AGBL4: variants seen among roughly 807,000 people sequenced by gnomAD.
The protein encoded by AGBL4 is cytosolic carboxypeptidase 6.
AGBL4 carries 58 observed loss-of-function variants against 66.4 expected under a neutral mutation model. That is an observed-to-expected ratio of 0.87 (90% CI 0.71 to 1.09). The LOEUF is 1.09. Ranked by LOEUF, AGBL4 falls within the 50% of genes least tolerant of loss-of-function variation. The pLI is 0.00. For missense variants in AGBL4, 579 were observed against 631.0 expected (o/e 0.92, Z 0.88); for synonymous variants, 234 against 222.9 (o/e 1.05, Z -0.44).
chr1:48,671,762 T>G (rs1405826951), intron 6 of AGBL4, among the ~76,000 whole-genome samples: 3 of 152,242 alleles, frequency 2.0e-5, no homozygotes, highest in Non-Finnish European at 4.4e-5. Flanking sequence ...GCCACAACTT[T>G]GCCTCTTTCA....
intron 2 of AGBL4, among the ~76,000 whole-genome samples, chr1:49,820,450 A>T (rs1645340168): frequency 6.6e-6 from 1 of 152,194 alleles, no homozygotes; most frequent in Admixed American, 6.5e-5. Flanking sequence ...TGAGTTTTCC[A>T]AATCCAAAAA....
At chr1:49,218,782 G>A (rs1304088958) in intron 4 of AGBL4, among the ~76,000 whole-genome samples, 1 of 152,086 alleles carries the variant, frequency 6.6e-6, no homozygotes, top group Non-Finnish European at 1.5e-5. Context: ...CACGTGTCAT[G>A]GGAGGGACAC....
intron 3 of AGBL4, among the ~76,000 whole-genome samples, chr1:49,314,601 G>A (rs2148466292): frequency 6.6e-6 from 1 of 152,218 alleles, no homozygotes; most frequent in African/African-American, 2.4e-5. Context: ...TGGTGTATAT[G>A]TGCCACACTT....
At chr1:49,626,984 A>G (rs1473104800) in intron 3 of AGBL4, among the ~76,000 whole-genome samples, 1 of 152,164 alleles carries the variant, frequency 6.6e-6, no homozygotes, top group Non-Finnish European at 1.5e-5. Flanking sequence ...AGGTACTACA[A>G]TGCTACATCC....
intron 2 of AGBL4, among the ~76,000 whole-genome samples, chr1:49,716,413 T>C (rs1172773298): frequency 6.6e-6 from 1 of 152,140 alleles, no homozygotes; most frequent in African/African-American, 2.4e-5. Context: ...TCTTTTTCCT[T>C]AGGATTGTGT....
intron 3 of AGBL4, among the ~76,000 whole-genome samples, chr1:49,467,566 G>C (rs1472970991): frequency 6.6e-6 from 1 of 151,788 alleles, no homozygotes; most frequent in Admixed American, 6.6e-5. Flanking sequence ...GAGCAATGCA[G>C]GACTACTGTG....
intron 1 of AGBL4, among the ~76,000 whole-genome samples, chr1:49,916,009 C>G (rs1172898641): frequency 6.6e-6 from 1 of 152,150 alleles, no homozygotes; most frequent in Non-Finnish European, 1.5e-5. Flanking sequence ...TCCAACAGAC[C>G]TTCAGCTGAG....
chr1:48,562,484 TC>T (rs1644411384), intron 11 of AGBL4, among the ~76,000 whole-genome samples: 1 of 152,160 alleles, frequency 6.6e-6, no homozygotes, highest in Non-Finnish European at 1.5e-5. Context: ...CTTCCTAGAT[TC>T]CCCAAGTTTG....
chr1:49,129,197 C>A (rs1645830760), intron 4 of AGBL4, among the ~76,000 whole-genome samples: 1 of 151,958 alleles, frequency 6.6e-6, no homozygotes, highest in Non-Finnish European at 1.5e-5. Context: ...AAAATATTGA[C>A]AATTACAAGC....
At chr1:49,572,246 T>C (rs1486449935) in intron 3 of AGBL4, among the ~76,000 whole-genome samples, 3 of 152,234 alleles carry the variant, frequency 2.0e-5, no homozygotes, top group African/African-American at 7.2e-5. Context: ...TTACTCTCAC[T>C]ACTCATTTTT....
chr1:49,059,518 C>T (rs537838249), intron 4 of AGBL4, among the ~76,000 whole-genome samples: 1 of 152,358 alleles, frequency 6.6e-6, no homozygotes, highest in South Asian at 2.1e-4. Context: ...GTTGGAGCCC[C>T]TACACAGAGT....
chr1:48,657,771 T>C (rs1646043684), intron 7 of AGBL4, among the ~76,000 whole-genome samples: 2 of 152,066 alleles, frequency 1.3e-5, no homozygotes, highest in African/African-American at 4.8e-5. Context: ...ATAAATGAGA[T>C]TAAGTTTCTG....
intron 2 of AGBL4, among the ~76,000 whole-genome samples, chr1:49,724,306 A>G (rs1199110891): frequency 1.3e-5 from 2 of 152,192 alleles, no homozygotes; most frequent in Non-Finnish European, 2.9e-5. Flanking sequence ...TTTGGAAAGT[A>G]AATTAATCAA....
chr1:48,604,617 T>TA (rs1645128553), intron 9 of AGBL4, among the ~76,000 whole-genome samples: 1 of 152,200 alleles, frequency 6.6e-6, no homozygotes. Context: ...AGGTTTTTTT[T>TA]TAAAAAAAAT....
At chr1:49,057,305 C>T (rs1644325514) in intron 4 of AGBL4, among the ~76,000 whole-genome samples, 2 of 152,116 alleles carry the variant, frequency 1.3e-5, no homozygotes, top group South Asian at 4.2e-4. Context: ...ATAGTCCCAG[C>T]TACTTGTGGG....
At chr1:49,254,915 C>T (rs755100393) in intron 3 of AGBL4, among the ~76,000 whole-genome samples, 38 of 151,974 alleles carry the variant, frequency 2.5e-4, no homozygotes, top group Non-Finnish European at 1.3e-4. Context: ...AATGGGGAAA[C>T]GATTACTTAT....
At chr1:49,014,721 C>T (rs751936424) in intron 5 of AGBL4, among the ~76,000 whole-genome samples, 1 of 152,234 alleles carries the variant, frequency 6.6e-6, no homozygotes, top group Non-Finnish European at 1.5e-5. Context: ...TCCCACCCTA[C>T]AGGGAACCTC....
At chr1:49,685,315 A>G (rs1464244606) in intron 3 of AGBL4, among the ~76,000 whole-genome samples, 4 of 152,152 alleles carry the variant, frequency 2.6e-5, no homozygotes, top group African/African-American at 7.2e-5. Flanking sequence ...ATGGGCATCT[A>G]GGTTGATTCC....
At chr1:49,915,608 C>T (rs1651369450) in intron 1 of AGBL4, among the ~76,000 whole-genome samples, 1 of 152,184 alleles carries the variant, frequency 6.6e-6, no homozygotes, top group Non-Finnish European at 1.5e-5. Context: ...GGGTGGAGCC[C>T]ACTGCAGCTC....
Sources: gnomAD v4.1 joint callset for allele counts (sites outside exome capture counted in the v4.1 genomes callset) on GRCh38, gnomAD v4.1.1 for gene constraint, MANE v1.5 for transcripts, NCBI Gene and HGNC (gene_info 2026-07-23, HGNC 2026-07-21) for gene names.